The following UEVLD variants were observed in gnomAD, a reference collection of about 807,000 sequenced individuals.
UEVLD encodes ubiquitin-conjugating enzyme E2 variant 3.
UEVLD carries 47 observed loss-of-function variants against 58.6 expected under a neutral mutation model. The observed-to-expected ratio is 0.80, with a 90% CI of 0.63 to 1.02. UEVLD has a LOEUF of 1.02. UEVLD is among the 50% of genes least tolerant of loss of function. The pLI is 0.00. For synonymous variants in UEVLD, 197 were observed against 195.3 expected, an observed-to-expected ratio of 1.01 and a Z score of -0.07; for missense variants, 510 against 550.6, an observed-to-expected ratio of 0.93 and a Z score of 0.74.
At chr11:18,554,926 G>A (rs1036684223) in intron 7 of UEVLD, among the ~76,000 whole-genome samples, 1 of 152,092 alleles carries the variant, frequency 6.6e-6, no homozygotes, top group African/African-American at 2.4e-5. Context: ...TTAATTCCCC[G>A]AATTATTGAT....
intron 10 of UEVLD, 117 bp downstream of exon 10, chr11:18,536,289 T>C: frequency 1.1e-6 from 1 of 901,964 alleles, no homozygotes; most frequent in South Asian, 1.4e-5. Flanking sequence ...ACTTTTGGGT[T>C]TGTCCATATT....
intron 9 of UEVLD, among the ~76,000 whole-genome samples, chr11:18,540,200 T>C (rs1191511208): frequency 6.6e-6 from 1 of 152,220 alleles, no homozygotes; most frequent in Non-Finnish European, 1.5e-5. Flanking sequence ...TATGTAACCT[T>C]GGGCAAATTA....
At position 18,578,789 on chromosome 11, in the gene UEVLD, G is replaced by C; in HGVS notation, c.62C>G (p.Thr21Ser). The C allele has an allele frequency of 6.2e-7, 1 of 1,606,046 alleles. No homozygotes were observed. Among genetic ancestry groups the C allele is most frequent in the Non-Finnish European group, 8.5e-7 (1 of 1,176,358 alleles). Residue 21 changes from threonine to serine, a missense_variant, in exon 2 of 12, where the codon ACT (threonine) becomes AGT (serine). Thr to Ser is a moderately conservative substitution (Grantham distance 58, BLOSUM62 1). Coordinates refer to ENST00000396197, the MANE Select transcript of UEVLD (RefSeq NM_001040697.4). ...ATTTACATTCCTTAGTTCTTCCACA[G>C]TTAGGTCCCTGAACTTGTACTGAAA... Reference protein sequence around the residue: ...LLGKYKFRDLTVEELRNVNVF... With the variant: ...LLGKYKFRDLSVEELRNVNVF...
At chr11:18,573,071 G>GA (rs1565137336) in intron 3 of UEVLD, among the ~76,000 whole-genome samples, 1 of 152,058 alleles carries the variant, frequency 6.6e-6, no homozygotes, top group African/African-American at 2.4e-5. Context: ...TGTAATGCAG[G>GA]AAAAAAAGGT....
At chr11:18,583,370 GC>G (rs1166642037) in intron 1 of UEVLD, among the ~76,000 whole-genome samples, 2 of 150,938 alleles carry the variant, frequency 1.3e-5, no homozygotes, top group African/African-American at 4.9e-5. Context: ...ACAGGCACCC[GC>G]CACCATGTCT....
chr11:18,540,172 A>G (rs1850993847), intron 9 of UEVLD, among the ~76,000 whole-genome samples: 1 of 152,182 alleles, frequency 6.6e-6, no homozygotes, highest in African/African-American at 2.4e-5. Flanking sequence ...TTCAAATCTC[A>G]GTTCTGCCCT....
chr11:18,565,079 A>AT (rs1436105726), intron 5 of UEVLD, 69 bp from the exon 6 acceptor site: 2 of 1,158,896 alleles, frequency 1.7e-6, no homozygotes, highest in African/African-American at 1.5e-5. Context: ...CTTTAAAAAA[A>AT]ATATATAGCA....
intron 7 of UEVLD, among the ~76,000 whole-genome samples, chr11:18,551,001 G>A (rs568791127): frequency 6.6e-6 from 1 of 152,266 alleles, no homozygotes; most frequent in East Asian, 1.9e-4. Context: ...CTTGTACCTG[G>A]CACTCAAAAT....
At chr11:18,572,135 C>T (rs1852654513) in intron 3 of UEVLD, among the ~76,000 whole-genome samples, 1 of 152,098 alleles carries the variant, frequency 6.6e-6, no homozygotes, top group African/African-American at 2.4e-5. Flanking sequence ...CCTCAGGAGG[C>T]TGAGGCAGGA....
chr11:18,549,430 G>A (rs1224713437), intron 7 of UEVLD, among the ~76,000 whole-genome samples: 2 of 151,592 alleles, frequency 1.3e-5, no homozygotes, highest in Non-Finnish European at 2.9e-5. Flanking sequence ...TTTCTTTTTT[G>A]TTTTGAGACA....
chr11:18,567,245 C>A (rs1852343941), intron 4 of UEVLD, among the ~76,000 whole-genome samples: 6 of 152,334 alleles, frequency 3.9e-5, no homozygotes, highest in Admixed American at 3.3e-4. Context: ...AATTCACTAA[C>A]CTTTCTGAGC....
intron 1 of UEVLD, among the ~76,000 whole-genome samples, chr11:18,585,701 A>G (rs1853515726): frequency 6.6e-6 from 1 of 150,566 alleles, no homozygotes; most frequent in Non-Finnish European, 1.5e-5. Flanking sequence ...GCAGTGGCGC[A>G]TTCTCAGCTC....
chr11:18,544,832 T>A lies in UEVLD; in HGVS notation c.887-36A>T, dbSNP rs756599866. On this transcript the variant is annotated intron_variant, in intron 8 of 11. Transcript: ENST00000396197. Reference sequence around the variant, plus strand: ...CATACAAGGTAAAAAATGTAAAGGTTAAAAAATATATACTTCTAGCCTAGC... The same window carrying A: ...CATACAAGGTAAAAAATGTAAAGGTAAAAAAATATATACTTCTAGCCTAGC... 4.8e-6 allele frequency: 7 copies of A among 1,447,160 alleles called. No individual in the cohort carries two copies. The African/African-American group carries it at 8.8e-5, about 18-fold the overall frequency. The allele number at this position is 1,447,160 out of a possible 1,614,324, so 89.6% of individuals were successfully genotyped here. A position where few individuals can be genotyped will look rare whatever the true frequency, so the allele number is the denominator to read the frequency against.
At chr11:18,535,255 A>C (rs769935404) in intron 10 of UEVLD, among the ~76,000 whole-genome samples, 1 of 152,210 alleles carries the variant, frequency 6.6e-6, no homozygotes, top group Non-Finnish European at 1.5e-5. Flanking sequence ...AGTAGAAAAA[A>C]AATTTTTTGG....
At position 18,536,427 on chromosome 11, in the gene UEVLD, G is replaced by C; in HGVS notation, c.1103C>G (p.Ser368Cys). ...SGQEEVVSHT[S>C]QVQLSNRAME... ...TTACCTGTTGGACAGCTGCACTTGA[G>C]AGGTATGACTCACTACTTCTTCTTG... is the stretch of plus-strand genomic sequence containing the variant. The change falls in exon 10 of 12, where the codon TCT becomes TGT. Residue 368 changes from serine (S) to cysteine (C), a missense_variant. Transcript: ENST00000396197. 6.2e-7 allele frequency: 1 copy of C among 1,613,864 alleles called. No homozygotes were observed. Among genetic ancestry groups the C allele is most frequent in the East Asian group, 2.2e-5 (1 of 44,866 alleles).
intron 1 of UEVLD, chr11:18,587,844 A>G (rs1853660460): frequency 6.6e-6 from 1 of 152,288 alleles, no homozygotes; most frequent in South Asian, 2.1e-4. Flanking sequence ...TAACTAGGAA[A>G]CTGGTGAAAA....
rs1279821114 is a variant in UEVLD, at chr11:18,530,357, TTAAA to T, written c.*1959_*1962del. 2.0e-5 allele frequency: 3 copies of T among 152,236 alleles called. No homozygotes were observed. The highest frequency in any genetic ancestry group is 1.9e-4 in the East Asian group (1 of 5,206). 9.4% of individuals were successfully genotyped at this position (152,236 alleles called of 1,614,324 possible). On this transcript the variant is annotated 3_prime_UTR_variant, in exon 12 of 12. Coordinates refer to ENST00000396197, the MANE Select transcript of UEVLD (RefSeq NM_001040697.4). ...TCTGGTTGGAATCTTTCCAAGCATA[TTAAA>T]TAGTTTTCTGCTTTCCTAACATGGG...
Position 18,573,212 on chromosome 11 carries a change from C to T in UEVLD, c.193+2135G>A, listed in dbSNP as rs533002651. 3.9e-5 allele frequency among the ~76,000 whole-genome samples: 6 copies of T among 152,252 alleles called. No homozygotes were observed. The South Asian group carries it at 8.3e-4, about 21-fold the overall frequency. On this transcript the variant is annotated intron_variant, in intron 3 of 11. Coordinates refer to ENST00000396197, the MANE Select transcript of UEVLD (RefSeq NM_001040697.4). ...GATAACCTTTCTGCCCTCATGTTAC[C>T]GCCCTACTCTGTATTAGAAACCGAA...
intron 9 of UEVLD, among the ~76,000 whole-genome samples, chr11:18,539,753 T>C (rs890044598): frequency 2.0e-5 from 3 of 152,108 alleles, no homozygotes; most frequent in African/African-American, 7.2e-5. Flanking sequence ...TAAGGAGGCA[T>C]GAGAGTGCAT....
Sources: allele counts gnomAD v4.1 joint callset (sites outside exome capture counted in the v4.1 genomes callset), GRCh38; gene constraint gnomAD v4.1.1; transcripts MANE v1.5; gene names NCBI Gene and HGNC (gene_info 2026-07-23, HGNC 2026-07-21).